Variants in SCAMP1 observed in about 807,000 individuals in gnomAD.
The protein encoded by SCAMP1 is secretory carrier-associated membrane protein 1.
A neutral mutation model predicts 41.8 loss-of-function variants in SCAMP1; 15 were observed. The observed-to-expected ratio is 0.36, with a 90% CI of 0.24 to 0.55. SCAMP1 has a LOEUF of 0.55. Among genes scored for constraint, SCAMP1 ranks in the 20% least tolerant of loss-of-function variants. SCAMP1 has a pLI of 0.86. For missense variants in SCAMP1, 341 were observed against 412.6 expected (o/e 0.83, Z 1.50); for synonymous variants, 135 against 136.8 (o/e 0.99, Z 0.09).
chr5:78,476,234 A>C lies in SCAMP1; in HGVS notation c.*566A>C, dbSNP rs1055841941. 1 of 152,026 alleles carries C rather than the reference A, an allele frequency of 6.6e-6. No individual in the cohort carries two copies. Among genetic ancestry groups the C allele is most frequent in the Admixed American group, 6.6e-5 (1 of 15,248 alleles). 9.4% of individuals were successfully genotyped at this position (152,026 alleles called of 1,614,324 possible). ...TCTTTTCTTTTTTTTAGAATAGCTG[A>C]TATTTTGATAACAATCTCTAATTTG... On this transcript the variant is annotated 3_prime_UTR_variant, in exon 9 of 9. Coordinates refer to ENST00000621999, the MANE Select transcript of SCAMP1 (RefSeq NM_004866.6).
Position 78,449,970 on chromosome 5 carries a change from G to C in SCAMP1, c.670G>C (p.Val224Leu). 1 of 1,546,388 alleles carries C rather than the reference G, an allele frequency of 6.5e-7. No individual in the cohort carries two copies. Among genetic ancestry groups the C allele is most frequent in the Non-Finnish European group, 8.7e-7 (1 of 1,152,460 alleles). The change falls in exon 7 of 9, where the codon GTC becomes CTC. Residue 224 changes from valine (V) to leucine (L), a missense_variant. By Grantham distance (32) the Val-to-Leu change is conservative. Transcript: ENST00000621999. ...ATTTAGATTCTTTGTATTCTTCTTC[G>C]TCTATATTTGTCAGTTTGCTGTACA... ...SSFRFFVFFF[V>L]YICQFAVHVL... is the part of the protein sequence containing the mutation.
At chr5:78,423,935 C>T (rs1228180056) in intron 6 of SCAMP1, among the ~76,000 whole-genome samples, 2 of 151,344 alleles carry the variant, frequency 1.3e-5, no homozygotes, top group African/African-American at 4.9e-5. Flanking sequence ...ACCTCTGCCT[C>T]CTGGGTTCAA....
intron 2 of SCAMP1, among the ~76,000 whole-genome samples, chr5:78,408,976 A>G (rs1262975872): frequency 6.6e-6 from 1 of 152,192 alleles, no homozygotes; most frequent in East Asian, 1.9e-4. Flanking sequence ...AATTAAGGAC[A>G]AGACATGGAG....
chr5:78,379,720 T>A (rs1255844544), intron 1 of SCAMP1, among the ~76,000 whole-genome samples: 1 of 152,172 alleles, frequency 6.6e-6, no homozygotes, highest in African/African-American at 2.4e-5. Context: ...GTATTTAAGG[T>A]GAATTTTAGC....
chr5:78,453,529 T>C (rs1278605991), intron 7 of SCAMP1, among the ~76,000 whole-genome samples: 3 of 151,900 alleles, frequency 2.0e-5, no homozygotes, highest in East Asian at 1.9e-4. Flanking sequence ...GGCTCTGTTC[T>C]GTTCCATTGA....
chr5:78,448,474 C>T (rs1753132109), intron 6 of SCAMP1, among the ~76,000 whole-genome samples: 1 of 152,088 alleles, frequency 6.6e-6, no homozygotes, highest in South Asian at 2.1e-4. Flanking sequence ...AAAAAGCAAT[C>T]TAATTACAAC....
intron 1 of SCAMP1, among the ~76,000 whole-genome samples, chr5:78,383,081 C>G (rs187782083): frequency 5.9e-5 from 9 of 152,190 alleles, no homozygotes; most frequent in Admixed American, 5.2e-4. Flanking sequence ...TAAAAGTGTT[C>G]CCTTTTTACC....
At chr5:78,446,465 T>G (rs1753054557) in intron 6 of SCAMP1, among the ~76,000 whole-genome samples, 1 of 152,010 alleles carries the variant, frequency 6.6e-6, no homozygotes, top group South Asian at 2.1e-4. Context: ...TTTAATAGTC[T>G]GGTTTCTTGG....
At chr5:78,443,105 C>T (rs971123419) in intron 6 of SCAMP1, among the ~76,000 whole-genome samples, 1 of 146,816 alleles carries the variant, frequency 6.8e-6, no homozygotes, top group African/African-American at 2.5e-5. Flanking sequence ...CCCAGCTATG[C>T]GTGAGGCTGA....
At chr5:78,463,186 T>G (rs1753660666) in intron 8 of SCAMP1, among the ~76,000 whole-genome samples, 1 of 152,220 alleles carries the variant, frequency 6.6e-6, no homozygotes, top group African/African-American at 2.4e-5. Context: ...TCTCTAATGT[T>G]ACTAAATCCC....
intron 8 of SCAMP1, among the ~76,000 whole-genome samples, chr5:78,468,571 A>G (rs556603633): frequency 3.3e-5 from 5 of 152,288 alleles, no homozygotes; most frequent in South Asian, 2.1e-4. Flanking sequence ...CTGATTTTGA[A>G]TGATTATCAC....
At chr5:78,390,754 C>T (rs965576615) in intron 2 of SCAMP1, among the ~76,000 whole-genome samples, 2 of 148,152 alleles carry the variant, frequency 1.3e-5, no homozygotes, top group Non-Finnish European at 3.0e-5. Flanking sequence ...AGCAGATAAA[C>T]AAGTGAACAA....
chr5:78,450,402 A>T (rs1199638465), intron 7 of SCAMP1, among the ~76,000 whole-genome samples: 5 of 152,222 alleles, frequency 3.3e-5, no homozygotes, highest in African/African-American at 7.2e-5. Flanking sequence ...CCTATTATGT[A>T]TAAAGCCCTA....
intron 1 of SCAMP1, among the ~76,000 whole-genome samples, chr5:78,387,554 TG>T (rs775888000): frequency 7.2e-5 from 11 of 152,068 alleles, no homozygotes; most frequent in Non-Finnish European, 1.5e-4. Context: ...TTACTGGAAT[TG>T]TTTTTTTTGT....
intron 6 of SCAMP1, among the ~76,000 whole-genome samples, chr5:78,431,393 G>A (rs1752619026): frequency 6.6e-6 from 1 of 151,164 alleles, no homozygotes; most frequent in African/African-American, 2.4e-5. Context: ...TATATATTAA[G>A]TTGACAGTCT....
At chr5:78,427,496 C>T (rs2115434) in intron 6 of SCAMP1, among the ~76,000 whole-genome samples, 5,385 of 152,150 alleles carry the variant, frequency 0.035, 345 homozygotes, top group African/African-American at 0.12. Flanking sequence ...CTGTCTATGG[C>T]CATATATTCA....
chr5:78,406,257 A>T (rs1051105458), intron 2 of SCAMP1, among the ~76,000 whole-genome samples: 3 of 152,204 alleles, frequency 2.0e-5, no homozygotes, highest in African/African-American at 7.2e-5. Context: ...CAATAGGTTC[A>T]TAGAAGGGCC....
In SCAMP1 at chr5:78,418,832, A is replaced by G. The variant is rs1251489713; in HGVS notation, c.401A>G (p.Tyr134Cys). The change falls in exon 5 of 9, where the codon TAT becomes TGT. Residue 134 changes from tyrosine to cysteine, a missense_variant. Physicochemically the swap from Tyr to Cys is radical, Grantham distance 194. Coordinates refer to ENST00000621999, the MANE Select transcript of SCAMP1 (RefSeq NM_004866.6). The stretch of plus-strand genomic sequence containing the variant: ...AATTTTCCTGTCGGACCTTGTTTCT[A>G]TCAGGATTTTTCTGTAGACATTCCT... ...PSNFPVGPCF[Y>C]QDFSVDIPVE... 6.3e-7 allele frequency: 1 copy of G among 1,578,486 alleles called. No individual in the cohort carries two copies. The highest frequency in any genetic ancestry group is 8.6e-7 in the Non-Finnish European group (1 of 1,161,302).
intron 1 of SCAMP1, among the ~76,000 whole-genome samples, chr5:78,361,476 C>T (rs1156813822): frequency 6.6e-6 from 1 of 152,222 alleles, no homozygotes; most frequent in South Asian, 2.1e-4. Context: ...CACCGGTTCT[C>T]TGGGCTATGT....
Sources: allele counts gnomAD v4.1 joint callset (sites outside exome capture counted in the v4.1 genomes callset), GRCh38; gene constraint gnomAD v4.1.1; transcripts MANE v1.5; gene names NCBI Gene and HGNC (gene_info 2026-07-23, HGNC 2026-07-21).